ATRN: variants seen among roughly 807,000 people sequenced by gnomAD.
ATRN encodes attractin-2.
In ATRN, 54 loss-of-function variants were observed where a neutral mutation model predicts 178.7. The observed-to-expected ratio is 0.30, with a 90% confidence interval of 0.24 to 0.38. The LOEUF (loss-of-function observed/expected upper bound fraction) is 0.38. ATRN is among the 10% of genes least tolerant of loss of function. The pLI is 1.00. For synonymous variants in ATRN, 636 were observed against 663.0 expected (o/e 0.96, Z 0.63); for missense variants, 1,443 against 1,815.1 (o/e 0.79, Z 3.73).
At chr20:3,474,433 G>T (rs1405609667) in intron 1 of ATRN, among the ~76,000 whole-genome samples, 2 of 152,172 alleles carry the variant, frequency 1.3e-5, no homozygotes, top group African/African-American at 4.8e-5. Context: ...AGTAGGCCAG[G>T]CGTGGTGGCT....
At chr20:3,636,897 A>G (rs2087029276) in intron 26 of ATRN, among the ~76,000 whole-genome samples, 1 of 152,238 alleles carries the variant, frequency 6.6e-6, no homozygotes, top group South Asian at 2.1e-4. Context: ...TGTTGTTACT[A>G]TTGGAAAGGA....
chr20:3,486,481 C>G (rs1012946544), intron 1 of ATRN, among the ~76,000 whole-genome samples: 1 of 151,952 alleles, frequency 6.6e-6, no homozygotes, highest in South Asian at 2.1e-4. Context: ...GATCTTGACT[C>G]ACTGCAACCT....
intron 3 of ATRN, among the ~76,000 whole-genome samples, chr20:3,542,473 G>GTT (rs35448704): frequency 8.4e-5 from 12 of 143,410 alleles, no homozygotes; most frequent in Non-Finnish European, 9.2e-5. Flanking sequence ...TCCTTTTAGA[G>GTT]TTTTTTTTTT....
chr20:3,592,737 T>C (rs2086467067), intron 19 of ATRN, among the ~76,000 whole-genome samples: 1 of 152,088 alleles, frequency 6.6e-6, no homozygotes, highest in Non-Finnish European at 1.5e-5. Flanking sequence ...TGTCCCTTAC[T>C]CTCCCTGGGG....
intron 25 of ATRN, among the ~76,000 whole-genome samples, chr20:3,633,657 A>G (rs545804998): frequency 6.6e-6 from 1 of 152,314 alleles, no homozygotes; most frequent in Admixed American, 6.5e-5. Flanking sequence ...TCTCTTTGCC[A>G]TCACTGTAGC....
chr20:3,575,027 A>T (rs1234750304), intron 12 of ATRN, among the ~76,000 whole-genome samples: 1 of 150,324 alleles, frequency 6.7e-6, no homozygotes, highest in Non-Finnish European at 1.5e-5. Flanking sequence ...GCGCAATTTC[A>T]GCTCACTGCA....
chr20:3,562,445 G>A lies in ATRN; in HGVS notation c.1617G>A (p.Val539=). ...RLADDLYRYD[V]DTQMWTILKD... ...CAGATGATCTCTACCGATATGATGT[G>A]GATACCCAGATGTGGTGGGTACTTT... The change falls in exon 9 of 29, where the codon GTG becomes GTA. Residue 539 remains valine, a synonymous_variant. Coordinates refer to ENST00000262919, the MANE Select transcript of ATRN (RefSeq NM_139321.3). The A allele has an allele frequency of 1.2e-6, 2 of 1,613,970 alleles. No individual in the cohort carries two copies. The highest frequency in any genetic ancestry group is 1.7e-6 in the Non-Finnish European group (2 of 1,179,938).
chr20:3,597,074 A>ATATATATATATATATATATAAAT (rs1555822793), intron 21 of ATRN, among the ~76,000 whole-genome samples: 1 of 146,976 alleles, frequency 6.8e-6, no homozygotes, highest in Non-Finnish European at 1.5e-5. Context: ...ATATATATAT[A>ATATATATATATATATATATAAAT]AAACTTCTAA....
intron 12 of ATRN, among the ~76,000 whole-genome samples, chr20:3,573,206 A>C (rs577384401): frequency 6.6e-6 from 1 of 152,208 alleles, no homozygotes; most frequent in Admixed American, 6.5e-5. Flanking sequence ...TAGGCTTTGC[A>C]TACTGACCCC....
At chr20:3,640,746 CT>C (rs1443478269) in intron 27 of ATRN, among the ~76,000 whole-genome samples, 1 of 152,214 alleles carries the variant, frequency 6.6e-6, no homozygotes, top group East Asian at 1.9e-4. Flanking sequence ...TATATATGAT[CT>C]GGCAATCTGG....
chr20:3,639,793 A>G (rs1158547569), intron 27 of ATRN, among the ~76,000 whole-genome samples: 1 of 152,218 alleles, frequency 6.6e-6, no homozygotes, highest in East Asian at 1.9e-4. Flanking sequence ...TAAAATCTCC[A>G]GGGAATACTC....
intron 25 of ATRN, among the ~76,000 whole-genome samples, chr20:3,630,115 G>T (rs1439770212): frequency 6.6e-6 from 1 of 152,056 alleles, no homozygotes; most frequent in East Asian, 1.9e-4. Flanking sequence ...CGCATCTGAG[G>T]CTCTTTAGGC....
intron 6 of ATRN, among the ~76,000 whole-genome samples, chr20:3,555,116 C>G (rs2146212413): frequency 6.6e-6 from 1 of 150,606 alleles, no homozygotes; most frequent in Non-Finnish European, 1.5e-5. Context: ...ATTCTCCTGC[C>G]TCAGCCTCCC....
chr20:3,624,436 C>T, intron 24 of ATRN, 75 bp from the exon 25 acceptor site: 4 of 1,296,512 alleles, frequency 3.1e-6, no homozygotes, highest in Non-Finnish European at 4.4e-6. Flanking sequence ...TTCAGCTTAA[C>T]TCTTGAAATG....
At chr20:3,540,376 C>T in intron 3 of ATRN, 41 bp downstream of exon 3, 3 of 1,290,822 alleles carry the variant, frequency 2.3e-6, no homozygotes, top group Non-Finnish European at 3.3e-6. Flanking sequence ...CGTTTGATTT[C>T]TAAATTTAAA....
chr20:3,565,660 G>C lies in ATRN; in HGVS notation c.1871+228G>C, dbSNP rs143946015. Reference sequence around the variant, plus strand: ...GCGTGCCTGTAATCCCCCCTAGTTGGGAGGCTGAGGCAGGAGAATCGCTTG... The same window carrying C: ...GCGTGCCTGTAATCCCCCCTAGTTGCGAGGCTGAGGCAGGAGAATCGCTTG... On this transcript the variant is annotated intron_variant, in intron 11 of 28. Transcript: ENST00000262919. Among the ~76,000 whole-genome samples the C allele has an allele frequency of 3.9e-3, 596 of 152,044 alleles. 1 individual carries two copies. The highest frequency in any genetic ancestry group is 6.2e-3 in the Non-Finnish European group (421 of 67,964).
intron 1 of ATRN, among the ~76,000 whole-genome samples, chr20:3,497,950 A>C (rs1360179546): frequency 6.6e-6 from 1 of 151,970 alleles, no homozygotes; most frequent in African/African-American, 2.4e-5. Flanking sequence ...AAGACTAATA[A>C]AGAAAAAAAG....
At chr20:3,480,945 A>G (rs1245789977) in intron 1 of ATRN, among the ~76,000 whole-genome samples, 2 of 152,224 alleles carry the variant, frequency 1.3e-5, no homozygotes, top group South Asian at 2.1e-4. Context: ...AAATGAAACT[A>G]TAGTTGTACT....
At chr20:3,476,465 G>A (rs993310539) in intron 1 of ATRN, among the ~76,000 whole-genome samples, 1 of 152,204 alleles carries the variant, frequency 6.6e-6, no homozygotes, top group Non-Finnish European at 1.5e-5. Context: ...AAGGAAAATA[G>A]ATTTTTACAA....
Sources: gnomAD v4.1 joint callset for allele counts (sites outside exome capture counted in the v4.1 genomes callset) on GRCh38, gnomAD v4.1.1 for gene constraint, MANE v1.5 for transcripts, NCBI Gene and HGNC (gene_info 2026-07-23, HGNC 2026-07-21) for gene names.